Variants in GPHN observed in about 807,000 individuals in gnomAD.
GPHN encodes gephyrin.
GPHN carries 17 observed loss-of-function variants against 95.5 expected under a neutral mutation model. The observed-to-expected ratio is 0.18, with a 90% CI of 0.12 to 0.27. The LOEUF (loss-of-function observed/expected upper bound fraction) is 0.27, where lower values mean the gene tolerates loss of function less well. Ranked by LOEUF, GPHN falls within the 10% of genes least tolerant of loss-of-function variation. GPHN has a pLI of 1.00. For synonymous variants in GPHN, 320 were observed against 322.5 expected (o/e 0.99, Z 0.08); for missense variants, 660 against 978.1 (o/e 0.67, Z 4.34).
At chr14:67,532,643 C>T in the GPHN span, among the ~76,000 whole-genome samples, 2 of 152,084 alleles carry the variant, frequency 1.3e-5, no homozygotes, top group African/African-American at 4.8e-5. Flanking sequence ...ACTTGAGCTC[C>T]GGAGTTCGAG....
At position 67,050,649 on chromosome 14, in the gene GPHN, A is replaced by G. The variant is rs148197715; in HGVS notation, c.1007-8000A>G. On this transcript the variant is annotated intron_variant, in intron 10 of 22. Transcript: ENST00000478722. ...CCTGCCAGTAGATAACCATACTGCA[A>G]TTTCCAAACAACAAGAAAAAAAAAC... 4.9e-4 allele frequency among the ~76,000 whole-genome samples: 75 copies of G among 152,252 alleles called. 3 individuals are homozygous for G. In the East Asian group the frequency reaches 0.014, roughly 29 times the overall value.
At chr14:67,436,956 T>C in the GPHN span, among the ~76,000 whole-genome samples, 1 of 151,576 alleles carries the variant, frequency 6.6e-6, no homozygotes. Context: ...ACATGGGAGG[T>C]TGAGGTGGGA....
At chr14:67,657,598 GCACA>G in the GPHN span, among the ~76,000 whole-genome samples, 2,323 of 112,376 alleles carry the variant, frequency 0.021, 26 homozygotes, top group African/African-American at 0.025. Flanking sequence ...GCGCGCGCGT[GCACA>G]CACACACACA....
At chr14:66,917,508 A>T (rs2065975757) in intron 6 of GPHN, among the ~76,000 whole-genome samples, 2 of 152,210 alleles carry the variant, frequency 1.3e-5, no homozygotes, top group Non-Finnish European at 2.9e-5. Flanking sequence ...CTCAGCTACC[A>T]TTCTTCCTTC....
chr14:66,826,750 T>C (rs2061400806), intron 4 of GPHN, among the ~76,000 whole-genome samples: 1 of 152,072 alleles, frequency 6.6e-6, no homozygotes, highest in African/African-American at 2.4e-5. Flanking sequence ...TTCCATCCCC[T>C]CTCAGTATTT....
chr14:67,687,928 C>A, the GPHN span, among the ~76,000 whole-genome samples: 3 of 152,016 alleles, frequency 2.0e-5, no homozygotes, highest in Admixed American at 6.6e-5. Context: ...CCCGCCACCA[C>A]ACCTGGCTAA....
intron 13 of GPHN, among the ~76,000 whole-genome samples, chr14:67,108,393 A>T (rs1473861982): frequency 7.9e-5 from 12 of 152,296 alleles, no homozygotes; most frequent in Admixed American, 7.8e-4. Context: ...AAGTGGTGGG[A>T]AACTGGTTAA....
chr14:67,297,699 T>C, the GPHN span, among the ~76,000 whole-genome samples: 4 of 131,110 alleles, frequency 3.1e-5, no homozygotes. Flanking sequence ...AGAAAATTAA[T>C]AGGACATAGT....
the GPHN span, among the ~76,000 whole-genome samples, chr14:67,667,066 A>C: frequency 6.6e-6 from 1 of 152,184 alleles, no homozygotes; most frequent in Admixed American, 6.5e-5. Flanking sequence ...AAGCCTGCCC[A>C]AATCAGTCAC....
the GPHN span, among the ~76,000 whole-genome samples, chr14:67,252,397 C>G: frequency 6.6e-6 from 1 of 152,098 alleles, no homozygotes; most frequent in Non-Finnish European, 1.5e-5. Context: ...TCCAGCAGTC[C>G]TCCAGCCTTG....
chr14:67,735,152 G>T, the GPHN span: 1 of 906,936 alleles, frequency 1.1e-6, no homozygotes, highest in Non-Finnish European at 1.9e-6. Context: ...ACATGTTGTT[G>T]GCATTTTCAG....
chr14:66,519,781 T>C (rs2058398857), intron 1 of GPHN, among the ~76,000 whole-genome samples: 1 of 152,182 alleles, frequency 6.6e-6, no homozygotes, highest in African/African-American at 2.4e-5. Context: ...TGGTTAACTT[T>C]ATTGAGAGCC....
chr14:67,582,240 C>T, the GPHN span: 169 of 1,613,082 alleles, frequency 1.0e-4, 1 homozygote, highest in East Asian at 1.7e-3. The surrounding 1 kb of genome is among the most constrained non-coding windows in gnomAD (Gnocchi z 5.0). Context: ...GCAGGAGGGT[C>T]GGGTTGCCAG....
the GPHN span, among the ~76,000 whole-genome samples, chr14:67,550,784 G>A: frequency 2.6e-5 from 4 of 152,208 alleles, no homozygotes; most frequent in East Asian, 1.9e-4. Context: ...GTAGTATAGT[G>A]GCTGACAGAA....
the GPHN span, among the ~76,000 whole-genome samples, chr14:67,644,277 A>ATAT: frequency 6.6e-6 from 1 of 152,212 alleles, no homozygotes; most frequent in Non-Finnish European, 1.5e-5. Context: ...TACTACTTTA[A>ATAT]TCATCAAAGC....
At chr14:66,537,133 T>C (rs2059173132) in intron 1 of GPHN, among the ~76,000 whole-genome samples, 1 of 152,196 alleles carries the variant, frequency 6.6e-6, no homozygotes, top group African/African-American at 2.4e-5. Context: ...TATTCTTGTA[T>C]TTACAGTATA....
At chr14:67,200,486 T>C in the GPHN span, 1 of 378,178 alleles carries the variant, frequency 2.6e-6, no homozygotes, top group African/African-American at 2.1e-5. Context: ...AGGAGGTATT[T>C]CTTTTTTATG....
intron 1 of GPHN, among the ~76,000 whole-genome samples, chr14:66,610,377 C>A (rs184874359): frequency 6.6e-6 from 1 of 152,182 alleles, no homozygotes; most frequent in Non-Finnish European, 1.5e-5. Flanking sequence ...TTCGGAAACC[C>A]CACACAGGTT....
chr14:67,136,862 G>A (rs932288378), intron 17 of GPHN, among the ~76,000 whole-genome samples: 2 of 152,138 alleles, frequency 1.3e-5, no homozygotes, highest in African/African-American at 2.4e-5. Context: ...TGAATGGGAA[G>A]TGTTAGTAAA....
Sources: allele counts gnomAD v4.1 joint callset (sites outside exome capture counted in the v4.1 genomes callset), GRCh38; gene constraint gnomAD v4.1.1; non-coding constraint Gnocchi (gnomAD v3.1); transcripts MANE v1.5; gene names NCBI Gene and HGNC (gene_info 2026-07-23, HGNC 2026-07-21).